ZMAT4: variants seen among roughly 807,000 people sequenced by gnomAD.
The protein encoded by ZMAT4 is zinc finger matrin-type 4.
In ZMAT4, 17 loss-of-function variants were observed where a neutral mutation model predicts 28.7. That is an observed-to-expected ratio of 0.59 (90% confidence interval 0.41 to 0.89). The LOEUF is 0.89. Among genes scored for constraint, ZMAT4 ranks in the 40% least tolerant of loss-of-function variants. The probability of loss-of-function intolerance (pLI) is 0.00; values close to 1 mark genes in which losing one functional copy is unlikely to be tolerated. For missense variants in ZMAT4, 240 were observed against 283.8 expected, an observed-to-expected ratio of 0.85 and a Z score of 1.11; for synonymous variants, 117 against 109.2, an observed-to-expected ratio of 1.07 and a Z score of -0.44.
chr8:40,868,249 C>A (rs985748599), intron 1 of ZMAT4, among the ~76,000 whole-genome samples: 1 of 152,118 alleles, frequency 6.6e-6, no homozygotes, highest in African/African-American at 2.4e-5. Flanking sequence ...TAGACAAAAT[C>A]AAGAGGACCA....
At chr8:40,826,369 T>C (rs953163434) in intron 1 of ZMAT4, among the ~76,000 whole-genome samples, 1 of 152,190 alleles carries the variant, frequency 6.6e-6, no homozygotes, top group Non-Finnish European at 1.5e-5. Context: ...TTAAAATATG[T>C]ATAGATGCAT....
intron 2 of ZMAT4, among the ~76,000 whole-genome samples, chr8:40,792,026 G>A (rs950631501): frequency 4.6e-5 from 7 of 152,130 alleles, no homozygotes; most frequent in African/African-American, 7.2e-5. Flanking sequence ...GGATTAAAAA[G>A]ACTAAAACTA....
intron 3 of ZMAT4, among the ~76,000 whole-genome samples, chr8:40,750,428 G>A (rs560999075): frequency 6.6e-6 from 1 of 152,110 alleles, no homozygotes; most frequent in East Asian, 1.9e-4. Context: ...GAAGACTCAC[G>A]GTGCTATGTA....
intron 3 of ZMAT4, among the ~76,000 whole-genome samples, chr8:40,761,038 A>G (rs1373358403): frequency 6.7e-6 from 1 of 149,564 alleles, no homozygotes; most frequent in South Asian, 2.2e-4. Context: ...GAAGGAAGAA[A>G]GAAAGGTGAG....
intron 1 of ZMAT4, among the ~76,000 whole-genome samples, chr8:40,881,550 G>T (rs1563263932): frequency 1.3e-5 from 1 of 78,658 alleles, no homozygotes; most frequent in Non-Finnish European, 2.7e-5. Flanking sequence ...AAGAAAGAAA[G>T]AAAGAAAGAA....
intron 6 of ZMAT4, among the ~76,000 whole-genome samples, chr8:40,557,549 A>G (rs1585680993): frequency 2.6e-5 from 4 of 152,302 alleles, no homozygotes; most frequent in Admixed American, 2.6e-4. Context: ...ATATCTGTCC[A>G]TTCTTCAACA....
chr8:40,894,667 C>T (rs1272818245), intron 1 of ZMAT4, among the ~76,000 whole-genome samples: 2 of 152,066 alleles, frequency 1.3e-5, no homozygotes, highest in Admixed American at 6.5e-5. Flanking sequence ...ACCTTGAATA[C>T]ATGGAAATAG....
chr8:40,714,256 T>C (rs1361017710), intron 3 of ZMAT4, among the ~76,000 whole-genome samples: 4 of 152,166 alleles, frequency 2.6e-5, no homozygotes, highest in African/African-American at 9.6e-5. Context: ...AGGAAAATTA[T>C]CAGGATTTGA....
intron 4 of ZMAT4, among the ~76,000 whole-genome samples, chr8:40,694,471 C>A (rs188003497): frequency 6.6e-6 from 1 of 152,244 alleles, no homozygotes; most frequent in East Asian, 1.9e-4. Flanking sequence ...TCCTAGAACC[C>A]AGGACTGCAG....
chr8:40,702,020 G>C (rs1277491878), intron 3 of ZMAT4, among the ~76,000 whole-genome samples: 1 of 152,274 alleles, frequency 6.6e-6, no homozygotes, highest in African/African-American at 2.4e-5. Context: ...GAGGGGGTTT[G>C]TTATCAAGAG....
intron 3 of ZMAT4, among the ~76,000 whole-genome samples, chr8:40,729,042 T>C (rs1327329264): frequency 6.6e-6 from 1 of 152,258 alleles, no homozygotes; most frequent in East Asian, 1.9e-4. Context: ...GGAACAGTAT[T>C]CTAATGCATG....
intron 3 of ZMAT4, among the ~76,000 whole-genome samples, chr8:40,762,040 G>A (rs1812962415): frequency 6.6e-6 from 1 of 152,204 alleles, no homozygotes; most frequent in Non-Finnish European, 1.5e-5. Flanking sequence ...CACAGCACTT[G>A]TTGGTAAACG....
intron 1 of ZMAT4, among the ~76,000 whole-genome samples, chr8:40,831,760 A>T (rs1373072619): frequency 6.6e-6 from 1 of 152,046 alleles, no homozygotes; most frequent in Non-Finnish European, 1.5e-5. Context: ...CCAAACTGCC[A>T]CTCCGTGTGA....
At chr8:40,852,216 C>T (rs982181464) in intron 1 of ZMAT4, among the ~76,000 whole-genome samples, 8 of 152,140 alleles carry the variant, frequency 5.3e-5, no homozygotes, top group Admixed American at 4.6e-4. Flanking sequence ...CCCCCAGCCC[C>T]ACTGCCCCTC....
chr8:40,712,913 T>C (rs920669632), intron 3 of ZMAT4, among the ~76,000 whole-genome samples: 1 of 152,078 alleles, frequency 6.6e-6, no homozygotes, highest in Non-Finnish European at 1.5e-5. Context: ...TCTTCCCATA[T>C]GTATTTGCAA....
intron 2 of ZMAT4, among the ~76,000 whole-genome samples, chr8:40,820,965 A>C (rs930586874): frequency 6.3e-5 from 3 of 47,802 alleles, no homozygotes; most frequent in East Asian, 7.5e-4. Context: ...GTCTGTGTGT[A>C]TGTGTGTATG....
chr8:40,780,218 C>A (rs887653307), intron 2 of ZMAT4, among the ~76,000 whole-genome samples: 4 of 152,124 alleles, frequency 2.6e-5, no homozygotes, highest in African/African-American at 9.7e-5. Flanking sequence ...CTAACCTACC[C>A]GACACCATAG....
chr8:40,698,993 G>T (rs1810012052), intron 3 of ZMAT4, among the ~76,000 whole-genome samples: 1 of 152,152 alleles, frequency 6.6e-6, no homozygotes, highest in Non-Finnish European at 1.5e-5. Context: ...AGTGCTTTCA[G>T]TTTTCTCCAT....
intron 3 of ZMAT4, among the ~76,000 whole-genome samples, chr8:40,737,645 G>A (rs12677604): frequency 0.13 from 19,199 of 152,080 alleles, 1,708 homozygotes; most frequent in East Asian, 0.38. Context: ...CCATGTGAGC[G>A]GGACGTAAAT....
Sources: allele counts gnomAD v4.1 joint callset (sites outside exome capture counted in the v4.1 genomes callset), GRCh38; gene constraint gnomAD v4.1.1; transcripts MANE v1.5; gene names NCBI Gene and HGNC (gene_info 2026-07-23, HGNC 2026-07-21).